The following PAM variants were observed in gnomAD, a reference collection of about 807,000 sequenced individuals.
PAM encodes the protein peptidyl-glycine alpha-amidating monooxygenase.
A neutral mutation model predicts 122.1 loss-of-function variants in PAM; 72 were observed. The ratio of observed to expected loss-of-function variants is 0.59; its 90% confidence interval spans 0.49 to 0.72. PAM has a LOEUF of 0.72. Ranked by LOEUF, PAM falls within the 30% of genes least tolerant of loss-of-function variation. The pLI is 0.00. For synonymous variants in PAM, 389 were observed against 404.4 expected (o/e 0.96, Z 0.46); for missense variants, 1,106 against 1,183.7 (o/e 0.93, Z 0.96).
chr5:102,803,146 A>AAAGG lies in PAM; in HGVS notation c.-374+47857_-374+47860dup, dbSNP rs149345963. ...TCCAAAAAAAAAGAAAGAAAGAAAG[A>AAAGG]AAGGAAGGAAGGAAGGAAGGAAGGA... is the stretch of plus-strand genomic sequence containing the variant. On this transcript the variant is annotated intron_variant, in intron 1 of 25. Coordinates refer to ENST00000438793, the MANE Select transcript of PAM (RefSeq NM_001177306.2). Among the ~76,000 whole-genome samples the AAAGG allele has an allele frequency of 2.8e-3, 371 of 133,616 alleles. 1 individual carries two copies. The highest frequency in any genetic ancestry group is 0.01 in the African/African-American group (345 of 33,252). 87.7% of individuals were successfully genotyped at this position (133,616 alleles called of 152,430 possible).
intron 1 of PAM, among the ~76,000 whole-genome samples, chr5:102,826,500 T>C (rs546818733): frequency 6.6e-6 from 1 of 152,296 alleles, no homozygotes; most frequent in Admixed American, 6.5e-5. Flanking sequence ...ACGGTAGATT[T>C]TTTTAAATTT....
intron 3 of PAM, among the ~76,000 whole-genome samples, chr5:102,884,105 A>G (rs1204472415): frequency 6.6e-6 from 1 of 151,880 alleles, no homozygotes; most frequent in Non-Finnish European, 1.5e-5. Context: ...ACTAGCAAGG[A>G]GTAAGTTATA....
intron 1 of PAM, among the ~76,000 whole-genome samples, chr5:102,848,941 T>C (rs1341883798): frequency 6.6e-6 from 1 of 152,026 alleles, no homozygotes; most frequent in Non-Finnish European, 1.5e-5. Flanking sequence ...CCTAGCAAGA[T>C]GAATGAGAAA....
At chr5:102,943,549 T>G (rs1755993360) in intron 7 of PAM, among the ~76,000 whole-genome samples, 1 of 152,124 alleles carries the variant, frequency 6.6e-6, no homozygotes, top group Admixed American at 6.6e-5. Context: ...GAACCCTTGT[T>G]TTTTATTTTT....
rs568352186 is a variant in PAM at position 102,936,690 on chromosome 5, A to ATTGT, written c.526+10025_526+10026insTTTG. ...TTGTATATTTTATTATTATTTGTAA[A>ATTGT]TTGCTGCACATTTTTGCCAGTAAAA... On this transcript the variant is annotated intron_variant, in intron 7 of 25. Transcript: ENST00000438793. 5.1e-3 allele frequency among the ~76,000 whole-genome samples: 773 copies of ATTGT among 152,198 alleles called. 7 individuals are homozygous for ATTGT. Among genetic ancestry groups the ATTGT allele is most frequent in the African/African-American group, 0.018 (740 of 41,524 alleles).
chr5:102,782,242 T>G (rs1052490891), intron 1 of PAM, among the ~76,000 whole-genome samples: 3 of 152,348 alleles, frequency 2.0e-5, no homozygotes, highest in South Asian at 2.1e-4. Context: ...ATATAAGAGC[T>G]TCTTTCATCT....
intron 1 of PAM, among the ~76,000 whole-genome samples, chr5:102,833,483 A>C (rs1233762476): frequency 1.3e-5 from 2 of 152,260 alleles, no homozygotes; most frequent in Non-Finnish European, 2.9e-5. Flanking sequence ...ATAATGTGGA[A>C]GGGAAAGAAC....
At chr5:102,798,427 A>G (rs966149612) in intron 1 of PAM, among the ~76,000 whole-genome samples, 6 of 152,212 alleles carry the variant, frequency 3.9e-5, no homozygotes, top group Admixed American at 2.0e-4. Context: ...ACTGGTTTTC[A>G]GCATGCGAAG....
At chr5:102,779,939 A>G (rs1481166086) in intron 1 of PAM, among the ~76,000 whole-genome samples, 2 of 146,170 alleles carry the variant, frequency 1.4e-5, no homozygotes, top group Non-Finnish European at 3.0e-5. Flanking sequence ...ATATATGTAT[A>G]TATCTCCTAA....
chr5:102,864,687 T>C (rs1785047203), intron 1 of PAM: 1 of 152,200 alleles, frequency 6.6e-6, no homozygotes, highest in Admixed American at 6.5e-5. Context: ...CGATATGATT[T>C]TTCCTTATTT....
intron 1 of PAM, among the ~76,000 whole-genome samples, chr5:102,839,887 G>C (rs747117494): frequency 6.6e-6 from 1 of 151,988 alleles, no homozygotes; most frequent in African/African-American, 2.4e-5. Context: ...TTCTTAACTG[G>C]GTACAGGTTA....
At chr5:102,856,456 C>G (rs1449643843) in intron 1 of PAM, among the ~76,000 whole-genome samples, 1 of 152,096 alleles carries the variant, frequency 6.6e-6, no homozygotes, top group African/African-American at 2.4e-5. Context: ...ACAGTTCAGT[C>G]TTTAGAGTAA....
At chr5:102,948,511 T>G in intron 9 of PAM, 66 bp downstream of exon 9, 1 of 760,034 alleles carries the variant, frequency 1.3e-6, no homozygotes, top group South Asian at 1.7e-5. Context: ...GGATTTATAC[T>G]GTATTTTTTA....
At chr5:102,873,049 A>G (rs994976715) in intron 3 of PAM, among the ~76,000 whole-genome samples, 8 of 152,028 alleles carry the variant, frequency 5.3e-5, no homozygotes, top group Non-Finnish European at 1.0e-4. Context: ...AAACCTACAT[A>G]TGTACTCCTG....
rs774941196 is a variant in PAM at position 102,867,338 on chromosome 5, T to C, written c.155T>C (p.Ile52Thr). 10 of 1,606,376 alleles carry C rather than the reference T, an allele frequency of 6.2e-6. 1 individual carries two copies. The East Asian group carries it at 1.1e-4, about 18-fold the overall frequency. ...GGTACCACCAGACCCGTAGTTCCTA[T>C]TGATTCATCAGATTTTGCATTGGAT... is the stretch of plus-strand genomic sequence containing the variant. ...CLGTTRPVVP[I>T]DSSDFALDIR... is the part of the protein sequence containing the mutation. The change falls in exon 3 of 26, where the codon ATT becomes ACT. Residue 52 changes from isoleucine (I) to threonine (T), a missense_variant. This residue lies in a region of PAM where 670 missense variants were observed against 690.3 expected (regional missense o/e 0.97). Transcript: ENST00000438793.
At chr5:102,786,604 A>G (rs1225012376) in intron 1 of PAM, among the ~76,000 whole-genome samples, 1 of 152,248 alleles carries the variant, frequency 6.6e-6, no homozygotes, top group South Asian at 2.1e-4. Flanking sequence ...GAGAAAATGG[A>G]GAAAGGCATC....
intron 15 of PAM, among the ~76,000 whole-genome samples, chr5:102,980,657 T>G (rs1344621009): frequency 1.3e-5 from 2 of 152,160 alleles, no homozygotes; most frequent in African/African-American, 2.4e-5. Context: ...GTATAGGGAA[T>G]AGCCTTTAAC....
chr5:103,020,797 G>T (rs1011242725), intron 23 of PAM, among the ~76,000 whole-genome samples: 1 of 152,256 alleles, frequency 6.6e-6, no homozygotes, highest in East Asian at 1.9e-4. Flanking sequence ...GCAAGGGGGA[G>T]TTTAAGGATT....
rs954876181 is a variant in PAM at position 102,914,102 on chromosome 5, A to T, written c.356+81A>T. On this transcript the variant is annotated intron_variant, in intron 5 of 25. Coordinates refer to ENST00000438793, the MANE Select transcript of PAM (RefSeq NM_001177306.2). ...CAAAGTGTATCTGTGCAAGTATTTT[A>T]CAACTAGTTAATAAATAGGCAGAAC... 91 of 750,300 alleles carry T rather than the reference A, an allele frequency of 1.2e-4. 1 individual carries two copies. In the East Asian group the frequency reaches 2.3e-3, roughly 19 times the overall value. 46.5% of individuals were successfully genotyped at this position (750,300 alleles called of 1,614,324 possible). A position where few individuals can be genotyped will look rare whatever the true frequency, so the allele number is the denominator to read the frequency against.
Sources: allele counts gnomAD v4.1 joint callset (sites outside exome capture counted in the v4.1 genomes callset), GRCh38; gene constraint gnomAD v4.1.1; regional missense constraint gnomAD v4.1.1; transcripts MANE v1.5; gene names NCBI Gene and HGNC (gene_info 2026-07-23, HGNC 2026-07-21).